Variants in DYSF observed in about 807,000 individuals in gnomAD.
DYSF encodes the protein dysferlin.
DYSF carries 212 observed loss-of-function variants against 274.9 expected under a neutral mutation model. The observed-to-expected ratio is 0.77, with a 90% CI of 0.69 to 0.86. The LOEUF is 0.86. Ranked by LOEUF, DYSF falls within the 40% of genes least tolerant of loss-of-function variation. DYSF has a pLI of 0.00. For missense variants in DYSF, 2,666 were observed against 2,783.2 expected (o/e 0.96, Z 0.95); for synonymous variants, 1,091 against 1,078.7 (o/e 1.01, Z -0.22).
intron 1 of DYSF, among the ~76,000 whole-genome samples, chr2:71,469,111 C>T (rs761792739): frequency 4.6e-5 from 7 of 152,156 alleles, no homozygotes; most frequent in African/African-American, 1.7e-4. Flanking sequence ...AACAAATACC[C>T]GATGCAGGTT....
rs1423204174 is a variant in DYSF, at chr2:71,513,697, T to C, written c.554-19T>C. The C allele has an allele frequency of 6.2e-7, 1 of 1,612,890 alleles. No individual in the cohort carries two copies. The highest frequency in any genetic ancestry group is 1.7e-5 in the Admixed American group (1 of 59,988). ...AGGGCCAGAGGGATCCAGGCCTCAT[T>C]AGGGCCCTCTCCTCTTAGACACAGG... On this transcript the variant is annotated intron_variant, in intron 6 of 55. Transcript: ENST00000410020.
chr2:71,551,198 C>T, intron 18 of DYSF, 42 bp downstream of exon 18: 1 of 1,598,064 alleles, frequency 6.3e-7, no homozygotes, highest in Non-Finnish European at 8.6e-7. Context: ...ATGCCAGATG[C>T]CCAGGTCCCT....
At chr2:71,659,355 A>G (rs1026405884) in intron 44 of DYSF, among the ~76,000 whole-genome samples, 1 of 152,216 alleles carries the variant, frequency 6.6e-6, no homozygotes, top group Non-Finnish European at 1.5e-5. Flanking sequence ...AGCATAGGCA[A>G]AGGTTTGAAA....
intron 19 of DYSF, 148 bp downstream of exon 19, chr2:71,551,868 A>G: frequency 1.6e-6 from 1 of 631,146 alleles, no homozygotes; most frequent in South Asian, 1.9e-5. Flanking sequence ...CTCAAGTCTC[A>G]GCTGTAAAGT....
chr2:71,668,114 A>T (rs1000936875), intron 48 of DYSF, among the ~76,000 whole-genome samples: 5 of 151,970 alleles, frequency 3.3e-5, no homozygotes, highest in Admixed American at 3.3e-4. Context: ...GTTATAGGCA[A>T]AGAGAAAGGC....
At chr2:71,537,633 G>A (rs931939711) in intron 16 of DYSF, among the ~76,000 whole-genome samples, 1 of 152,168 alleles carries the variant, frequency 6.6e-6, no homozygotes, top group Admixed American at 6.5e-5. Context: ...TAGTGCCGGC[G>A]ATGGAAAACT....
chr2:71,581,844 G>A (rs1430756236), intron 30 of DYSF, among the ~76,000 whole-genome samples: 4 of 152,152 alleles, frequency 2.6e-5, no homozygotes, highest in East Asian at 3.9e-4. Context: ...CCCTCTGCCT[G>A]CTTTTGTAAA....
intron 12 of DYSF, among the ~76,000 whole-genome samples, chr2:71,525,828 T>C (rs1218102947): frequency 6.6e-6 from 1 of 152,160 alleles, no homozygotes; most frequent in Non-Finnish European, 1.5e-5. Context: ...AATGGCTGGG[T>C]GAATGAACAC....
intron 36 of DYSF, among the ~76,000 whole-genome samples, chr2:71,607,319 G>A (rs767288956): frequency 6.6e-6 from 1 of 152,172 alleles, no homozygotes; most frequent in Admixed American, 6.5e-5. Context: ...GAAGGGCAGG[G>A]GTTGCGTGTG....
chr2:71,492,316 C>G (rs943698430), intron 3 of DYSF, among the ~76,000 whole-genome samples: 1 of 152,160 alleles, frequency 6.6e-6, no homozygotes, highest in East Asian at 1.9e-4. Context: ...GCCTGGCACG[C>G]ATAGCGGAGA....
rs11558176 is a variant in DYSF, at chr2:71,679,171, A to G, written c.5999A>G (p.Glu2000Gly). 3.1e-6 allele frequency: 5 copies of G among 1,613,860 alleles called. No homozygotes were observed. In the African/African-American group the frequency reaches 6.7e-5, roughly 22 times the overall value. Residue 2000 changes from glutamate to glycine, a missense_variant, in exon 53 of 56, where the codon GAG becomes GGG. Transcript: ENST00000410020. ...CCAGAATGGTTTGTGTCCCTTTTTGAGCAGAAAACAGTGAAGGGCTGGTGG... is the reference window on the plus strand; with the variant it reads ...CCAGAATGGTTTGTGTCCCTTTTTGGGCAGAAAACAGTGAAGGGCTGGTGG... ...FHPEWFVSLF[E>G]QKTVKGWWPC...
intron 40 of DYSF, among the ~76,000 whole-genome samples, chr2:71,618,780 T>C (rs1349557041): frequency 6.6e-6 from 1 of 151,450 alleles, no homozygotes; most frequent in Non-Finnish European, 1.5e-5. Context: ...GTGTGTTTTT[T>C]GTGTGTGTGG....
rs952065356 is a variant in DYSF, at chr2:71,586,810, GCCGGAGGCGCCT to G, written c.3403-2780_3403-2769del. On this transcript the variant is annotated intron_variant, in intron 30 of 55. Coordinates refer to ENST00000410020, the MANE Select transcript of DYSF (RefSeq NM_001130987.2). ...GAGAGAGGAAGGATGGGGCCCTGGA[GCCGGAGGCGCCT>G]CCCTCCCTATGCTCACCCTAGCCCC... Among the ~76,000 whole-genome samples the G allele has an allele frequency of 4.6e-5, 7 of 152,156 alleles. No homozygotes were observed. In the East Asian group the frequency reaches 1.4e-3, roughly 30 times the overall value.
chr2:71,510,722 C>G (rs1393709232), intron 4 of DYSF, among the ~76,000 whole-genome samples: 2 of 152,224 alleles, frequency 1.3e-5, no homozygotes, highest in African/African-American at 4.8e-5. Context: ...GTCCAGTGAA[C>G]TGTGCCAGAG....
chr2:71,478,557 G>A (rs1295592384), intron 1 of DYSF, among the ~76,000 whole-genome samples: 1 of 152,136 alleles, frequency 6.6e-6, no homozygotes, highest in Non-Finnish European at 1.5e-5. Flanking sequence ...TGACCAAAAA[G>A]TTTGAACTGC....
intron 32 of DYSF, among the ~76,000 whole-genome samples, chr2:71,590,643 T>C (rs1305038952): frequency 6.6e-6 from 1 of 152,198 alleles, no homozygotes; most frequent in East Asian, 1.9e-4. Context: ...CTGTGTCCTC[T>C]CTCTGGGCAC....
intron 43 of DYSF, among the ~76,000 whole-genome samples, chr2:71,657,745 G>T (rs536456981): frequency 6.6e-6 from 1 of 152,182 alleles, no homozygotes; most frequent in African/African-American, 2.4e-5. Flanking sequence ...TTTCAGCCAC[G>T]GTTGGAGCAG....
At chr2:71,453,747 G>C (rs2080934215) in exon 1 of DYSF, 1 of 565,622 alleles carries the variant, frequency 1.8e-6, no homozygotes, top group East Asian at 3.0e-5. Flanking sequence ...AGAAGCCCCT[G>C]TTCTCGGAAC....
rs146284775 is a variant in DYSF at position 71,607,880 on chromosome 2, G to A, written c.3958-3365G>A. On this transcript the variant is annotated intron_variant, in intron 36 of 55. Transcript: ENST00000410020. The stretch of plus-strand genomic sequence containing the variant: ...GTAGGACACATTAATGAACTAAGCA[G>A]TAAGATATTGGGGCTTAGCAGAGAT... Among the ~76,000 whole-genome samples, 577 of 152,302 alleles carry A rather than the reference G, an allele frequency of 3.8e-3. 1 individual carries two copies. The highest frequency in any genetic ancestry group is 0.014 in the African/African-American group (566 of 41,562).
Sources: gnomAD v4.1 joint callset for allele counts (sites outside exome capture counted in the v4.1 genomes callset) on GRCh38, gnomAD v4.1.1 for gene constraint, MANE v1.5 for transcripts, NCBI Gene and HGNC (gene_info 2026-07-23, HGNC 2026-07-21) for gene names.